Variants in ACBD5 observed in about 807,000 individuals in gnomAD.
ACBD5 encodes the protein acyl-CoA binding domain containing 5, also known as acyl-CoA-binding domain-containing protein 5.
Under a neutral mutation model 71.8 loss-of-function variants are expected in ACBD5, and 40 were observed. That is an observed-to-expected ratio of 0.56 (90% confidence interval 0.43 to 0.72). ACBD5 has a LOEUF of 0.72. Among genes scored for constraint, ACBD5 ranks in the 30% least tolerant of loss-of-function variants. The pLI is 0.00. For missense variants in ACBD5, 559 were observed against 644.5 expected (o/e 0.87, Z 1.44); for synonymous variants, 229 against 218.6 (o/e 1.05, Z -0.42).
At chr10:27,238,278 A>G (rs978904462) in intron 2 of ACBD5, among the ~76,000 whole-genome samples, 4 of 152,210 alleles carry the variant, frequency 2.6e-5, no homozygotes, top group Non-Finnish European at 5.9e-5. Flanking sequence ...CACCCGGCCG[A>G]TAGGGTATGT....
At chr10:27,213,583 C>A (rs2137165991) in intron 8 of ACBD5, among the ~76,000 whole-genome samples, 1 of 152,234 alleles carries the variant, frequency 6.6e-6, no homozygotes, top group South Asian at 2.1e-4. Context: ...CATGGAGAAA[C>A]CCCGTCTCTA....
chr10:27,183,583 G>T (rs2058453817), intron 13 of ACBD5, among the ~76,000 whole-genome samples: 1 of 152,068 alleles, frequency 6.6e-6, no homozygotes, highest in Admixed American at 6.6e-5. Flanking sequence ...AACGAGGTAT[G>T]GTAATATAGA....
chr10:27,219,818 G>T lies in ACBD5; in HGVS notation c.530C>A (p.Thr177Asn). The T allele has an allele frequency of 1.2e-6, 2 of 1,613,916 alleles. No individual in the cohort carries two copies. The highest frequency in any genetic ancestry group is 1.7e-6 in the Non-Finnish European group (2 of 1,179,938). Residue 177 changes from threonine (T) to asparagine (N), a missense_variant, in exon 6 of 13, where the codon ACC (threonine) becomes AAC (asparagine). By Grantham distance (65) the Thr-to-Asn change is moderately conservative (BLOSUM62 0). Coordinates refer to ENST00000396271, the MANE Select transcript of ACBD5 (RefSeq NM_145698.5). ...ACTGCTTTCAGCTTTACCATTAACG[G>T]TTTTGGCGTTTGGAGTAGAAGTGAG... is the stretch of plus-strand genomic sequence containing the variant. ...NVLTSTPNAK[T>N]VNGKAESSDS... is the part of the protein sequence containing the mutation.
chr10:27,237,109 G>T (rs1232144908), intron 2 of ACBD5, among the ~76,000 whole-genome samples: 1 of 151,842 alleles, frequency 6.6e-6, no homozygotes, highest in Admixed American at 6.6e-5. Flanking sequence ...GTTTAAAATG[G>T]TCACTTATTT....
At chr10:27,221,441 T>G (rs1189176787) in intron 5 of ACBD5, among the ~76,000 whole-genome samples, 1 of 152,186 alleles carries the variant, frequency 6.6e-6, no homozygotes, top group Non-Finnish European at 1.5e-5. Flanking sequence ...ATTTTTAAAA[T>G]TGTAAGTTAT....
chr10:27,204,120 C>G (rs934449470), intron 12 of ACBD5, among the ~76,000 whole-genome samples: 2 of 34,906 alleles, frequency 5.7e-5, no homozygotes, highest in African/African-American at 2.4e-4. Context: ...GCCTGGGCAA[C>G]AAAACGGGAC....
At position 27,223,663 on chromosome 10, in the gene ACBD5, T is replaced by TG. The variant is rs57929913; in HGVS notation, c.376-212dup. 0.069 allele frequency among the ~76,000 whole-genome samples: 10,446 copies of TG among 152,258 alleles called. 681 individuals are homozygous for TG. Among genetic ancestry groups the TG allele is most frequent in the African/African-American group, 0.17 (7,009 of 41,526 alleles). Reference sequence around the variant, plus strand: ...GCTCATGCCTGTAATCCCAGCACTTTGGGAGGCCAAGGCAGGAGGATGGCT... The same window carrying TG: ...GCTCATGCCTGTAATCCCAGCACTTTGGGGAGGCCAAGGCAGGAGGATGGCT... On this transcript the variant is annotated intron_variant, in intron 4 of 12. Transcript: ENST00000396271.
intron 12 of ACBD5, among the ~76,000 whole-genome samples, chr10:27,198,251 G>T (rs1564546405): frequency 6.6e-6 from 1 of 152,174 alleles, no homozygotes; most frequent in Non-Finnish European, 1.5e-5. Flanking sequence ...GGTGGTGGGG[G>T]AGGAAGAGGC....
At chr10:27,241,434 A>G (rs2065479715), upstream of ACBD5, among the ~76,000 whole-genome samples, 1 of 152,148 alleles carries the variant, frequency 6.6e-6, no homozygotes, top group Admixed American at 6.5e-5. Flanking sequence ...CTGAGCCAAG[A>G]ACGTCCGAGG....
rs1311553058 is a variant in ACBD5 at position 27,235,074 on chromosome 10, C to A, written c.302+18G>T. The A allele has an allele frequency of 8.1e-6, 13 of 1,612,014 alleles. No individual in the cohort carries two copies. Among genetic ancestry groups the A allele is most frequent in the African/African-American group, 1.3e-5 (1 of 74,736 alleles). On this transcript the variant is annotated intron_variant, in intron 3 of 12. Transcript: ENST00000396271. ...CATTAAAATTTAAATTCTTGCATAG[C>A]TCTACACAAAAAATTACCATTTATA...
At chr10:27,205,612 T>C (rs1328521752) in intron 10 of ACBD5, among the ~76,000 whole-genome samples, 2 of 152,024 alleles carry the variant, frequency 1.3e-5, no homozygotes, top group African/African-American at 4.8e-5. Context: ...TCAACTTTTC[T>C]TTTTGAGACA....
intron 4 of ACBD5, among the ~76,000 whole-genome samples, chr10:27,228,347 G>C (rs995246778): frequency 5.9e-5 from 9 of 151,494 alleles, no homozygotes; most frequent in African/African-American, 2.2e-4. Flanking sequence ...AGGCCGAAGT[G>C]GGAAGATCAC....
intron 2 of ACBD5, 120 bp from the exon 3 acceptor site, chr10:27,235,332 T>A (rs1260044339): frequency 7.9e-7 from 1 of 1,272,770 alleles, no homozygotes; most frequent in Non-Finnish European, 1.1e-6. Context: ...AGATAATGAT[T>A]TATTTCTAGC....
chr10:27,240,774 C>A lies in ACBD5; in HGVS notation c.-86G>T, dbSNP rs1416973056. The A allele has an allele frequency of 3.9e-6, 6 of 1,536,252 alleles. No homozygotes were observed. The highest frequency in any genetic ancestry group is 2.4e-5 in the East Asian group (1 of 40,848). Reference sequence around the variant, plus strand: ...GGGGACCCTGGCGGAGCAGCCACACCCCCCATTCCGCCGGAGTCCGTCTGT... The same window carrying A: ...GGGGACCCTGGCGGAGCAGCCACACACCCCATTCCGCCGGAGTCCGTCTGT... On this transcript the variant is annotated 5_prime_UTR_variant, in exon 1 of 13. Transcript: ENST00000396271. The surrounding 1 kb of genome is among the most constrained non-coding windows in gnomAD (Gnocchi z 4.1).
chr10:27,186,613 T>C (rs1452990996), intron 13 of ACBD5: 4 of 1,245,960 alleles, frequency 3.2e-6, no homozygotes, highest in Non-Finnish European at 3.6e-6. Context: ...AATACTAGAT[T>C]GATCTAAGGG....
downstream of ACBD5, among the ~76,000 whole-genome samples, chr10:27,192,519 G>A (rs540778638): frequency 6.6e-6 from 1 of 152,258 alleles, no homozygotes; most frequent in South Asian, 2.1e-4. Context: ...GCATAGCTGG[G>A]TGTTCCATTT....
At chr10:27,235,925 C>A (rs892550969) in intron 2 of ACBD5, among the ~76,000 whole-genome samples, 3 of 151,960 alleles carry the variant, frequency 2.0e-5, no homozygotes, top group Admixed American at 6.6e-5. Context: ...CCAGCCTGGG[C>A]AACATAGCAA....
intron 4 of ACBD5, among the ~76,000 whole-genome samples, chr10:27,228,791 T>TTCTATA (rs1306544829): frequency 4.5e-5 from 1 of 22,138 alleles, no homozygotes; most frequent in Non-Finnish European, 1.7e-4. Flanking sequence ...CCTATTATGT[T>TTCTATA]TATATATATA....
At chr10:27,208,551 A>C in intron 9 of ACBD5, 106 bp from the exon 10 acceptor site, 2 of 1,362,542 alleles carry the variant, frequency 1.5e-6, no homozygotes, top group African/African-American at 2.9e-5. Context: ...AAATCTCCAA[A>C]GTGTGGCCAG....
Sources: allele counts gnomAD v4.1 joint callset (sites outside exome capture counted in the v4.1 genomes callset), GRCh38; gene constraint gnomAD v4.1.1; non-coding constraint Gnocchi (gnomAD v3.1); transcripts MANE v1.5; gene names NCBI Gene and HGNC (gene_info 2026-07-23, HGNC 2026-07-21).